Variants in ABCC1 observed in about 807,000 individuals in gnomAD.
ABCC1 encodes the protein ATP binding cassette subfamily C member 1 (ABCC1 blood group), also known as multidrug resistance-associated protein 1.
In ABCC1, 83 loss-of-function variants were observed where a neutral mutation model predicts 172.9. The ratio of observed to expected loss-of-function variants is 0.48; its 90% CI spans 0.40 to 0.58. The LOEUF (loss-of-function observed/expected upper bound fraction) is 0.58. Ranked by LOEUF, ABCC1 falls within the 20% of genes least tolerant of loss-of-function variation. The pLI is 0.00. For missense variants in ABCC1, 1,817 were observed against 2,002.7 expected (o/e 0.91, Z 1.77); for synonymous variants, 937 against 825.2 (o/e 1.14, Z -2.32).
At chr16:16,104,562 G>A (rs1318356669) in intron 20 of ABCC1, among the ~76,000 whole-genome samples, 1 of 152,192 alleles carries the variant, frequency 6.6e-6, no homozygotes, top group Non-Finnish European at 1.5e-5. Context: ...TAGACATAAA[G>A]GGCCTCCAAG....
intron 17 of ABCC1, 112 bp downstream of exon 17, chr16:16,083,654 G>A: frequency 7.2e-7 from 1 of 1,396,792 alleles, no homozygotes; most frequent in Non-Finnish European, 9.8e-7. Context: ...ACCCGGCAGG[G>A]CTCAGCTGGG....
intron 5 of ABCC1, among the ~76,000 whole-genome samples, chr16:16,017,317 A>T (rs1466054238): frequency 2.7e-5 from 4 of 149,476 alleles, no homozygotes; most frequent in Non-Finnish European, 6.0e-5. Context: ...TGTAGTCTTG[A>T]CCTCCTGGGC....
intron 5 of ABCC1, among the ~76,000 whole-genome samples, chr16:16,028,901 G>T (rs960510842): frequency 2.6e-5 from 4 of 152,132 alleles, no homozygotes; most frequent in African/African-American, 4.8e-5. Context: ...ATCTGAACTC[G>T]GCTTCAGTTG....
chr16:16,086,707 A>C, intron 17 of ABCC1, 117 bp from the exon 18 acceptor site: 1 of 1,085,110 alleles, frequency 9.2e-7, no homozygotes, highest in Non-Finnish European at 1.4e-6. Flanking sequence ...GGTCTCAAGC[A>C]GTCCTTCCAC....
chr16:16,097,831 C>A (rs1219125552), intron 19 of ABCC1, among the ~76,000 whole-genome samples: 2 of 152,210 alleles, frequency 1.3e-5, no homozygotes, highest in Admixed American at 1.3e-4. Context: ...TGGTGCCCCC[C>A]ACGTTGAGTT....
At chr16:16,127,464 G>A (rs1431820117) in intron 26 of ABCC1, among the ~76,000 whole-genome samples, 1 of 152,186 alleles carries the variant, frequency 6.6e-6, no homozygotes, top group African/African-American at 2.4e-5. Context: ...CTCCCAAAGT[G>A]CTGGGATTAC....
chr16:16,117,388 A>T (rs965921425), intron 23 of ABCC1, among the ~76,000 whole-genome samples: 2 of 152,128 alleles, frequency 1.3e-5, no homozygotes, highest in Non-Finnish European at 2.9e-5. Flanking sequence ...AGTTATCTCC[A>T]CCTGGTCCCT....
chr16:16,081,988 A>G (rs1021524987), intron 16 of ABCC1, among the ~76,000 whole-genome samples: 1 of 152,184 alleles, frequency 6.6e-6, no homozygotes, highest in African/African-American at 2.4e-5. Context: ...ACTGTATTCC[A>G]GCCTGAGCGA....
intron 1 of ABCC1, among the ~76,000 whole-genome samples, chr16:15,998,103 T>C (rs2047121106): frequency 6.6e-6 from 1 of 151,376 alleles, no homozygotes; most frequent in African/African-American, 2.4e-5. Context: ...ATTTCAGGTG[T>C]GACCCACTGC....
intron 19 of ABCC1, among the ~76,000 whole-genome samples, chr16:16,095,671 T>C (rs1208282090): frequency 6.6e-6 from 1 of 152,156 alleles, no homozygotes; most frequent in Non-Finnish European, 1.5e-5. Context: ...TTTTTCTCTT[T>C]TAAAAAATTT....
intron 20 of ABCC1, among the ~76,000 whole-genome samples, chr16:16,103,563 G>C (rs1230137567): frequency 1.3e-5 from 2 of 152,156 alleles, no homozygotes; most frequent in Non-Finnish European, 2.9e-5. Flanking sequence ...CTGGGTGACA[G>C]AGCGAGACTC....
chr16:16,128,986 C>T (rs960993746), intron 26 of ABCC1, among the ~76,000 whole-genome samples: 2 of 151,760 alleles, frequency 1.3e-5, no homozygotes, highest in African/African-American at 2.4e-5. Flanking sequence ...CAGAGTGAGA[C>T]TCTGTCTCGA....
chr16:16,036,598 T>G lies in ABCC1; in HGVS notation c.804T>G (p.Thr268=). The G allele has an allele frequency of 1.2e-6, 2 of 1,613,814 alleles. No individual in the cohort carries two copies. Among genetic ancestry groups the G allele is most frequent in the Non-Finnish European group, 1.7e-6 (2 of 1,179,816 alleles). The change falls in exon 7 of 31, where the codon ACT becomes ACG. Residue 268 remains threonine, a synonymous_variant. Coordinates refer to ENST00000399410, the MANE Select transcript of ABCC1 (RefSeq NM_004996.4). The part of the protein sequence containing the change: ...VKNWKKECAK[T]RKQPVKVVYS... ...ACTGGAAGAAGGAATGCGCCAAGAC[T>G]AGGAAGTAAGTGTGAGTTTCCTTGT... is the stretch of plus-strand genomic sequence containing the variant.
chr16:15,972,076 C>T (rs2046382463), intron 1 of ABCC1, among the ~76,000 whole-genome samples: 1 of 152,118 alleles, frequency 6.6e-6, no homozygotes, highest in Non-Finnish European at 1.5e-5. Context: ...TTGTTTCAGG[C>T]CCACAGTCAT....
chr16:16,131,623 A>C (rs1442614303), intron 26 of ABCC1, among the ~76,000 whole-genome samples, 166 bp from the exon 27 acceptor site: 1 of 152,130 alleles, frequency 6.6e-6, no homozygotes, highest in African/African-American at 2.4e-5. Context: ...CACAGGATGC[A>C]AGGGGGTCAT....
intron 1 of ABCC1, among the ~76,000 whole-genome samples, chr16:15,992,356 A>G (rs2046896429): frequency 6.6e-6 from 1 of 152,136 alleles, no homozygotes; most frequent in African/African-American, 2.4e-5. Flanking sequence ...GTCTGTGAAA[A>G]ATCGTCTTCC....
chr16:16,077,727 A>G (rs570819572), intron 15 of ABCC1, among the ~76,000 whole-genome samples: 7 of 152,316 alleles, frequency 4.6e-5, no homozygotes, highest in East Asian at 1.9e-4. Context: ...CATTTCCACT[A>G]ATACTCTGAA....
chr16:16,047,895 C>T (rs372821175), intron 9 of ABCC1, among the ~76,000 whole-genome samples: 1 of 150,242 alleles, frequency 6.7e-6, no homozygotes, highest in African/African-American at 2.4e-5. Context: ...GCCCTGGTTT[C>T]GAGGACACCT....
intron 1 of ABCC1, among the ~76,000 whole-genome samples, chr16:15,952,964 C>CT (rs2045910428): frequency 6.6e-6 from 1 of 151,002 alleles, no homozygotes. Flanking sequence ...CACTTGAAGG[C>CT]TGTGGGGGTG....
Sources: gnomAD v4.1 joint callset for allele counts (sites outside exome capture counted in the v4.1 genomes callset) on GRCh38, gnomAD v4.1.1 for gene constraint, MANE v1.5 for transcripts, NCBI Gene and HGNC (gene_info 2026-07-23, HGNC 2026-07-21) for gene names.